The following MMS22L variants were observed in gnomAD, a reference collection of about 807,000 sequenced individuals.
MMS22L encodes MMS22 like, DNA repair protein, also known as protein MMS22-like.
In MMS22L, 74 loss-of-function variants were observed where a neutral mutation model predicts 159.1. The ratio of observed to expected loss-of-function variants is 0.47; its 90% CI spans 0.39 to 0.56. The LOEUF (loss-of-function observed/expected upper bound fraction) is 0.56. MMS22L is among the 20% of genes least tolerant of loss of function. MMS22L has a pLI of 0.00. For missense variants in MMS22L, 1,351 were observed against 1,422.1 expected (o/e 0.95, Z 0.80); for synonymous variants, 517 against 506.9 (o/e 1.02, Z -0.27).
chr6:97,170,720 T>C (rs934503225), intron 19 of MMS22L, among the ~76,000 whole-genome samples: 2 of 152,134 alleles, frequency 1.3e-5, no homozygotes, highest in East Asian at 1.9e-4. Flanking sequence ...TTTAAGAACA[T>C]TAAAAGCTGC....
rs556935257 is a variant in MMS22L at position 97,256,478 on chromosome 6, T to C, written c.943-1745A>G. ...TCACCATTCTTCTGCCTAAATATCC[T>C]TCAGGATTCTCTTCAATTTTGCTTC... On this transcript the variant is annotated intron_variant, in intron 9 of 24. Coordinates refer to ENST00000683635, the MANE Select transcript of MMS22L (RefSeq NM_001350599.2). 1.1e-3 allele frequency among the ~76,000 whole-genome samples: 166 copies of C among 152,328 alleles called. 1 individual carries two copies. The highest frequency in any genetic ancestry group is 3.9e-3 in the African/African-American group (162 of 41,584).
chr6:97,161,005 A>G (rs1323493666), intron 22 of MMS22L, among the ~76,000 whole-genome samples: 1 of 151,922 alleles, frequency 6.6e-6, no homozygotes, highest in African/African-American at 2.4e-5. Context: ...TTAGTTCTAT[A>G]TTTATAATAG....
chr6:97,156,193 ATTTG>A (rs1157354389), intron 22 of MMS22L, among the ~76,000 whole-genome samples: 2 of 152,078 alleles, frequency 1.3e-5, no homozygotes, highest in Non-Finnish European at 2.9e-5. Context: ...TTTCTTGTAA[ATTTG>A]TTTAAGTTCT....
chr6:97,211,837 G>A (rs1808412761), intron 14 of MMS22L, among the ~76,000 whole-genome samples: 1 of 152,034 alleles, frequency 6.6e-6, no homozygotes, highest in Non-Finnish European at 1.5e-5. Flanking sequence ...TATTATTAAT[G>A]GAATGTGTGA....
rs1444897202 is a variant in MMS22L at position 97,142,746 on chromosome 6, A to T, written c.*4060T>A. 1.3e-5 allele frequency: 2 copies of T among 152,132 alleles called. No individual in the cohort carries two copies. The highest frequency in any genetic ancestry group is 4.8e-5 in the African/African-American group (2 of 41,446). The allele number at this position is 152,132 out of a possible 1,614,324, so 9.4% of individuals were successfully genotyped here. A position where few individuals can be genotyped will look rare whatever the true frequency, so the allele number is the denominator to read the frequency against. Reference sequence around the variant, plus strand: ...AGCTTGTCAAATTTTTATATAACATACAATTTTTAACTGTCAAAGATTCTG... The same window carrying T: ...AGCTTGTCAAATTTTTATATAACATTCAATTTTTAACTGTCAAAGATTCTG... On this transcript the variant is annotated 3_prime_UTR_variant, in exon 25 of 25. Transcript: ENST00000683635.
chr6:97,273,894 A>G lies in MMS22L; in HGVS notation c.341-832T>C, dbSNP rs753929612. On this transcript the variant is annotated intron_variant, in intron 4 of 24. Coordinates refer to ENST00000683635, the MANE Select transcript of MMS22L (RefSeq NM_001350599.2). ...TAAGTAAAAAATCTGCTTAAAATGT[A>G]TATCAATTTATCTTGTTCCCAAGTC... Among the ~76,000 whole-genome samples the G allele has an allele frequency of 4.6e-5, 7 of 152,310 alleles. No individual in the cohort carries two copies. The East Asian group carries it at 1.3e-3, about 29-fold the overall frequency.
At chr6:97,233,746 A>G in intron 12 of MMS22L, 115 bp downstream of exon 12, 1 of 1,178,598 alleles carries the variant, frequency 8.5e-7, no homozygotes, top group Non-Finnish European at 1.1e-6. Context: ...ACTCTGAAAA[A>G]AATTAACTTT....
At chr6:97,149,537 A>G (rs2128230678) in intron 24 of MMS22L, among the ~76,000 whole-genome samples, 1 of 152,340 alleles carries the variant, frequency 6.6e-6, no homozygotes, top group Non-Finnish European at 1.5e-5. Context: ...CAAGGCTATG[A>G]AGTCCACTTC....
intron 14 of MMS22L, among the ~76,000 whole-genome samples, chr6:97,227,364 G>C (rs925992347): frequency 6.6e-6 from 1 of 152,040 alleles, no homozygotes. Flanking sequence ...GGGGACTATA[G>C]TTCTCCATGA....
Position 97,254,314 on chromosome 6 carries a change from A to G in MMS22L, c.1119+243T>C, listed in dbSNP as rs1439225381. ...TAAGTAATTTGCTCAGGGTCACACAATTGTTCAGTAGCAGGGCCAGGACTA... is the reference window on the plus strand; with the variant it reads ...TAAGTAATTTGCTCAGGGTCACACAGTTGTTCAGTAGCAGGGCCAGGACTA... On this transcript the variant is annotated intron_variant, in intron 10 of 24. Coordinates refer to ENST00000683635, the MANE Select transcript of MMS22L (RefSeq NM_001350599.2). The G allele has an allele frequency of 7.6e-5, 29 of 380,100 alleles. No homozygotes were observed. In the South Asian group the frequency reaches 1.0e-3, roughly 13 times the overall value. The allele number at this position is 380,100 out of a possible 1,614,324, so 23.5% of individuals were successfully genotyped here.
At chr6:97,233,840 A>G (rs1268472990) in intron 12 of MMS22L, 21 bp downstream of exon 12, 1 of 1,568,478 alleles carries the variant, frequency 6.4e-7, no homozygotes, top group Admixed American at 2.0e-5. Flanking sequence ...CCTGGAGCAA[A>G]TTCCTATTCT....
intron 20 of MMS22L, among the ~76,000 whole-genome samples, chr6:97,167,360 G>C (rs895059057): frequency 6.6e-6 from 1 of 152,062 alleles, no homozygotes; most frequent in African/African-American, 2.4e-5. Flanking sequence ...AAATGTTTTT[G>C]AAATCTGCTG....
rs191386840 is a variant in MMS22L, at chr6:97,193,715, C to T, written c.2040-7025G>A. Among the ~76,000 whole-genome samples, 399 of 152,222 alleles carry T rather than the reference C, an allele frequency of 2.6e-3. 1 individual carries two copies. The highest frequency in any genetic ancestry group is 4.7e-3 in the Non-Finnish European group (319 of 67,994). ...TAATATTTACTATTTGTTTTTAATT[C>T]CTGACGCAGTTGGTCTGACAGTCTA... On this transcript the variant is annotated intron_variant, in intron 14 of 24. Transcript: ENST00000683635.
chr6:97,145,021 A>ACG lies in MMS22L; in HGVS notation c.*1784_*1785insCG, dbSNP rs1356872592. 4 of 90,750 alleles carry ACG rather than the reference A, an allele frequency of 4.4e-5. No individual in the cohort carries two copies. The highest frequency in any genetic ancestry group is 1.8e-4 in the African/African-American group (4 of 21,842). The allele number at this position is 90,750 out of a possible 1,614,324, so 5.6% of individuals were successfully genotyped here. On this transcript the variant is annotated 3_prime_UTR_variant, in exon 25 of 25. Coordinates refer to ENST00000683635, the MANE Select transcript of MMS22L (RefSeq NM_001350599.2). ...TTATCAATCTCCTTTGGAAAAAAAA[A>ACG]ACCCACACACACACACACACACACA...
rs548755669 is a variant in MMS22L, at chr6:97,159,122, C to CA, written c.3385+2879dup. 4.0e-4 allele frequency among the ~76,000 whole-genome samples: 52 copies of CA among 129,760 alleles called. 1 individual carries two copies. The highest frequency in any genetic ancestry group is 6.6e-4 in the Non-Finnish European group (41 of 61,758). 85.1% of individuals were successfully genotyped at this position (129,760 alleles called of 152,430 possible). ...TCTGTTTTATCAGAGACTAGGACTG[C>CA]AACCCCTGATTTTTTTTTTTTTGCT... On this transcript the variant is annotated intron_variant, in intron 22 of 24. Transcript: ENST00000683635.
chr6:97,269,592 T>A (rs1815507593), intron 7 of MMS22L, among the ~76,000 whole-genome samples: 1 of 152,118 alleles, frequency 6.6e-6, no homozygotes, highest in Admixed American at 6.6e-5. Flanking sequence ...AACAGATCGC[T>A]AAAACACTGA....
intron 15 of MMS22L, among the ~76,000 whole-genome samples, chr6:97,185,110 C>G (rs142473101): frequency 9.2e-4 from 140 of 152,180 alleles, no homozygotes; most frequent in African/African-American, 3.1e-3. Context: ...CCTTCCTGAC[C>G]ACTCTATTTA....
chr6:97,178,155 T>C (rs1264555372), intron 18 of MMS22L, among the ~76,000 whole-genome samples: 1 of 152,146 alleles, frequency 6.6e-6, no homozygotes, highest in Non-Finnish European at 1.5e-5. Flanking sequence ...CCAGCAACTG[T>C]GTCAATATTC....
chr6:97,150,787 G>T (rs1007286187), intron 23 of MMS22L, among the ~76,000 whole-genome samples: 1 of 151,994 alleles, frequency 6.6e-6, no homozygotes, highest in Admixed American at 6.6e-5. Context: ...GGAAACGAAC[G>T]CAAATTATTT....
Sources: gnomAD v4.1 joint callset for allele counts (sites outside exome capture counted in the v4.1 genomes callset) on GRCh38, gnomAD v4.1.1 for gene constraint, MANE v1.5 for transcripts, NCBI Gene and HGNC (gene_info 2026-07-23, HGNC 2026-07-21) for gene names.